Variants in C6orf62 observed in about 807,000 individuals in gnomAD.
The protein encoded by C6orf62 is chromosome 6 open reading frame 62.
C6orf62 carries 16 observed loss-of-function variants against 26.8 expected under a neutral mutation model. The observed-to-expected ratio is 0.60, with a 90% CI of 0.40 to 0.91. The LOEUF (loss-of-function observed/expected upper bound fraction) is 0.91. Ranked by LOEUF, C6orf62 falls within the 40% of genes least tolerant of loss-of-function variation. The pLI is 0.00. For missense variants in C6orf62, 192 were observed against 271.4 expected (o/e 0.71, Z 2.06); for synonymous variants, 112 against 91.5 (o/e 1.22, Z -1.28).
Position 24,718,971 on chromosome 6 carries a change from A to C in C6orf62, c.-303T>G, listed in dbSNP as rs929713320. 17 of 1,167,736 alleles carry C rather than the reference A, an allele frequency of 1.5e-5. No individual in the cohort carries two copies. In the African/African-American group the frequency reaches 2.5e-4, roughly 17 times the overall value. 72.3% of individuals were successfully genotyped at this position (1,167,736 alleles called of 1,614,324 possible). On this transcript the variant is annotated 5_prime_UTR_variant, in exon 1 of 5. Coordinates refer to ENST00000378119, the MANE Select transcript of C6orf62 (RefSeq NM_030939.5). ...GGAGAAAATAACTAACTTTCTGGAA[A>C]ACACATTTGGCTTAACTGCCAAAAT...
upstream of C6orf62, chr6:24,720,145 T>C (rs983220248): frequency 1.1e-4 from 151 of 1,379,534 alleles, no homozygotes; most frequent in African/African-American, 7.3e-4. Context: ...GGGGGTGGAA[T>C]TGAGGCAGCT....
chr6:24,718,940 G>GAA lies in C6orf62; in HGVS notation c.-274_-273dup. ...GGAAAAAGGGAGGAAAGAAAGGAAA[G>GAA]AAAGAGGAGAAAATAACTAACTTTC... On this transcript the variant is annotated 5_prime_UTR_variant, in exon 1 of 5. Coordinates refer to ENST00000378119, the MANE Select transcript of C6orf62 (RefSeq NM_030939.5). The GAA allele has an allele frequency of 8.1e-7, 1 of 1,231,414 alleles. No individual in the cohort carries two copies. The highest frequency in any genetic ancestry group is 1.0e-6 in the Non-Finnish European group (1 of 983,116). 76.3% of individuals were successfully genotyped at this position (1,231,414 alleles called of 1,614,324 possible).
chr6:24,720,379 T>G, upstream of C6orf62: 1 of 1,193,502 alleles, frequency 8.4e-7, no homozygotes, highest in African/African-American at 1.6e-5. Flanking sequence ...CCCGCTGCAG[T>G]GCGCACCGTG....
At chr6:24,713,817 G>A (rs1779172768) in intron 3 of C6orf62, among the ~76,000 whole-genome samples, 1 of 152,146 alleles carries the variant, frequency 6.6e-6, no homozygotes, top group African/African-American at 2.4e-5. Flanking sequence ...CTTGAGCAAT[G>A]TCTAGTATAC....
chr6:24,708,819 A>G lies in C6orf62; in HGVS notation c.522T>C (p.Pro174=). The G allele has an allele frequency of 6.2e-7, 1 of 1,614,226 alleles. No individual in the cohort carries two copies. Residue 174 remains proline, a synonymous_variant, in exon 4 of 5, where the codon CCT becomes CCC. Coordinates refer to ENST00000378119, the MANE Select transcript of C6orf62 (RefSeq NM_030939.5). Reference sequence around the variant, plus strand: ...CAATGAAGAGAAACACTGACTGGTTAGGATTGTTGACAACGATTCCAGTCT... The same window carrying G: ...CAATGAAGAGAAACACTGACTGGTTGGGATTGTTGACAACGATTCCAGTCT... ...KDKTGIVVNN[P]NQSVFLFIDR... is the part of the protein sequence containing the mutation.
intron 1 of C6orf62, among the ~76,000 whole-genome samples, chr6:24,718,086 C>T (rs895339651): frequency 3.9e-5 from 6 of 152,178 alleles, no homozygotes; most frequent in Non-Finnish European, 8.8e-5. Flanking sequence ...GTGTATTCTA[C>T]TTCATTAAAT....
At chr6:24,707,790 T>C (rs1337288626) in intron 4 of C6orf62, among the ~76,000 whole-genome samples, 1 of 151,578 alleles carries the variant, frequency 6.6e-6, no homozygotes, top group Non-Finnish European at 1.5e-5. Flanking sequence ...GATCATGAGG[T>C]CAGGAGATTG....
upstream of C6orf62, chr6:24,719,914 A>T (rs1325761093): frequency 1.2e-5 from 18 of 1,550,426 alleles, no homozygotes; most frequent in Non-Finnish European, 1.6e-5. Flanking sequence ...CATCGTGGAA[A>T]CAATTCCCGC....
At chr6:24,706,873 G>A (rs1055646387) in intron 4 of C6orf62, 1 of 152,244 alleles carries the variant, frequency 6.6e-6, no homozygotes, top group Non-Finnish European at 1.5e-5. Context: ...ATATGCCAGT[G>A]TACTCCAGCG....
At chr6:24,716,640 C>T (rs1301435120) in intron 1 of C6orf62, among the ~76,000 whole-genome samples, 4 of 152,074 alleles carry the variant, frequency 2.6e-5, no homozygotes, top group African/African-American at 7.2e-5. Flanking sequence ...GCTATTCAGA[C>T]AAATGAATAG....
Position 24,718,956 on chromosome 6 carries a change from A to G in C6orf62, c.-288T>C. 8.4e-7 allele frequency: 1 copy of G among 1,196,664 alleles called. No individual in the cohort carries two copies. Among genetic ancestry groups the G allele is most frequent in the Non-Finnish European group, 1.0e-6 (1 of 961,022 alleles). 74.1% of individuals were successfully genotyped at this position (1,196,664 alleles called of 1,614,324 possible). ...GAAAGGAAAGAAAGAGGAGAAAATA[A>G]CTAACTTTCTGGAAAACACATTTGG... On this transcript the variant is annotated 5_prime_UTR_variant, in exon 1 of 5. Coordinates refer to ENST00000378119, the MANE Select transcript of C6orf62 (RefSeq NM_030939.5).
At chr6:24,712,299 T>C (rs1779135105) in intron 3 of C6orf62, among the ~76,000 whole-genome samples, 1 of 151,904 alleles carries the variant, frequency 6.6e-6, no homozygotes, top group Admixed American at 6.6e-5. Flanking sequence ...CAAGAACGGC[T>C]CAAACCTGGG....
At chr6:24,709,939 A>G in intron 3 of C6orf62, 2 of 985,468 alleles carry the variant, frequency 2.0e-6, no homozygotes, top group Non-Finnish European at 2.4e-6. Context: ...GGAAATAATA[A>G]CATTGAAAAA....
chr6:24,709,476 C>T (rs1581394521), intron 3 of C6orf62: 8 of 965,258 alleles, frequency 8.3e-6, no homozygotes, highest in Non-Finnish European at 9.8e-6. Context: ...GTTACGTGAC[C>T]GTATGCAAAT....
At position 24,706,276 on chromosome 6, in the gene C6orf62, A is replaced by G. The variant is rs1327578652; in HGVS notation, c.565-14T>C. The G allele has an allele frequency of 6.2e-7, 1 of 1,613,336 alleles. No individual in the cohort carries two copies. Among genetic ancestry groups the G allele is most frequent in the African/African-American group, 1.3e-5 (1 of 74,964 alleles). On this transcript the variant is annotated splice_polypyrimidine_tract_variant and intron_variant, in intron 4 of 4. Coordinates refer to ENST00000378119, the MANE Select transcript of C6orf62 (RefSeq NM_030939.5). ...GTTTTTTGGAGTCTGGAAGGGGAAAACATTTTAATATTTTTTAAAAATAAG... is the reference window on the plus strand; with the variant it reads ...GTTTTTTGGAGTCTGGAAGGGGAAAGCATTTTAATATTTTTTAAAAATAAG...
chr6:24,710,758 G>A (rs1411205826), intron 3 of C6orf62, among the ~76,000 whole-genome samples: 1 of 152,086 alleles, frequency 6.6e-6, no homozygotes, highest in African/African-American at 2.4e-5. Flanking sequence ...CAGCACTTTG[G>A]GAGTCCAAAG....
chr6:24,706,366 G>A (rs1358634218), intron 4 of C6orf62, 104 bp from the exon 5 acceptor site: 21 of 1,477,110 alleles, frequency 1.4e-5, no homozygotes, highest in Middle Eastern at 2.3e-4. Context: ...AACATACAGA[G>A]TAAGGGACAA....
rs368155524 is a variant in C6orf62, at chr6:24,712,779, G to A, written c.429+1539C>T. Among the ~76,000 whole-genome samples, 91 of 149,644 alleles carry A rather than the reference G, an allele frequency of 6.1e-4. No individual in the cohort carries two copies. In the South Asian group the frequency reaches 0.018, roughly 29 times the overall value. ...CTTCAAAGAGTACTATTTGACACAA[G>A]ACTAAAGTTAACTCAACTATTTCAA... On this transcript the variant is annotated intron_variant, in intron 3 of 4. Coordinates refer to ENST00000378119, the MANE Select transcript of C6orf62 (RefSeq NM_030939.5).
upstream of C6orf62, chr6:24,719,488 C>A: frequency 1.8e-6 from 2 of 1,110,354 alleles, no homozygotes; most frequent in Non-Finnish European, 2.2e-6. Flanking sequence ...GGAGTCATTA[C>A]CAACTTCCCC....
Sources: allele counts gnomAD v4.1 joint callset (sites outside exome capture counted in the v4.1 genomes callset), GRCh38; gene constraint gnomAD v4.1.1; transcripts MANE v1.5; gene names NCBI Gene and HGNC (gene_info 2026-07-23, HGNC 2026-07-21).